The following BCAR1 variants were observed in gnomAD, a reference collection of about 807,000 sequenced individuals.
BCAR1 encodes BCAR1 scaffold protein, Cas family member.
Under a neutral mutation model 67.6 loss-of-function variants are expected in BCAR1, and 30 were observed. The ratio of observed to expected loss-of-function variants is 0.44; its 90% CI spans 0.33 to 0.60. The LOEUF (loss-of-function observed/expected upper bound fraction) is 0.60, where lower values mean the gene tolerates loss of function less well. BCAR1 is among the 20% of genes least tolerant of loss of function. The pLI, the probability that BCAR1 is intolerant of heterozygous loss-of-function variation, is 0.02. For missense variants in BCAR1, 1,313 were observed against 1,222.3 expected (o/e 1.07, Z -1.11); for synonymous variants, 626 against 556.7 (o/e 1.12, Z -1.75).
chr16:75,239,914 GTCTCCTTAGA>G (rs2077279804), intron 2 of BCAR1, among the ~76,000 whole-genome samples: 1 of 152,234 alleles, frequency 6.6e-6, no homozygotes, highest in South Asian at 2.1e-4. Context: ...CGCCATGGCT[GTCTCCTTAGA>G]CACTGACCAG....
chr16:75,232,699 T>C (rs1182918943), intron 6 of BCAR1, among the ~76,000 whole-genome samples: 1 of 152,200 alleles, frequency 6.6e-6, no homozygotes, highest in Non-Finnish European at 1.5e-5. Context: ...CCTGCCACCC[T>C]GCCACCGTTC....
At chr16:75,239,541 C>T (rs763305579) in intron 2 of BCAR1, among the ~76,000 whole-genome samples, 16 of 152,342 alleles carry the variant, frequency 1.1e-4, no homozygotes, top group Middle Eastern at 3.4e-3. Flanking sequence ...AGTGGGCCCC[C>T]GCCCTGGAGC....
At chr16:75,236,417 C>T (rs924636101) in intron 4 of BCAR1, 3 of 338,960 alleles carry the variant, frequency 8.9e-6, no homozygotes, top group Admixed American at 9.2e-5. Flanking sequence ...CCGCTGCCAC[C>T]TCATCACCAC....
chr16:75,243,666 G>A (rs1006725337), intron 1 of BCAR1, among the ~76,000 whole-genome samples: 4 of 152,210 alleles, frequency 2.6e-5, no homozygotes, highest in African/African-American at 9.6e-5. Flanking sequence ...CACCCTCCCT[G>A]TCCTGGCCCC....
In BCAR1 at chr16:75,229,917, A is replaced by G. The variant is rs746660261; in HGVS notation, c.2207T>C (p.Leu736Pro). 3 of 1,607,820 alleles carry G rather than the reference A, an allele frequency of 1.9e-6. No homozygotes were observed. The highest frequency in any genetic ancestry group is 2.6e-6 in the Non-Finnish European group (3 of 1,175,792). Reference sequence around the variant, plus strand: ...CAGCAGCTGCCGGTCCGAGGGCCCCAGGCCGCCTGTTCGCCCCGGGGCCAG... The same window carrying G: ...CAGCAGCTGCCGGTCCGAGGGCCCCGGGCCGCCTGTTCGCCCCGGGGCCAG... ...QPLAPGRTGG[L>P]GPSDRQLLLF... Residue 736 changes from leucine (L) to proline (P), a missense_variant, in exon 7 of 7, where the codon CTG (leucine) becomes CCG (proline). Physicochemically the swap from Leu to Pro is moderately conservative, Grantham distance 98. Coordinates refer to ENST00000162330, the MANE Select transcript of BCAR1 (RefSeq NM_014567.5).
At chr16:75,240,601 C>T (rs1345932024) in intron 2 of BCAR1, among the ~76,000 whole-genome samples, 3 of 152,214 alleles carry the variant, frequency 2.0e-5, no homozygotes, top group East Asian at 1.9e-4. Context: ...GTGATTACCG[C>T]GATTGGAAAA....
chr16:75,253,035 T>A (rs1035239637), upstream of BCAR1, among the ~76,000 whole-genome samples: 1 of 152,088 alleles, frequency 6.6e-6, no homozygotes, highest in Non-Finnish European at 1.5e-5. Context: ...GAAGGAGCAG[T>A]GGGATGAGAC....
Position 75,251,603 on chromosome 16 carries a change from C to G in BCAR1, c.-121G>C. 9.8e-7 allele frequency: 1 copy of G among 1,023,746 alleles called. No homozygotes were observed. Among genetic ancestry groups the G allele is most frequent in the Non-Finnish European group, 1.2e-6 (1 of 856,680 alleles). The allele number at this position is 1,023,746 out of a possible 1,614,324, so 63.4% of individuals were successfully genotyped here. On this transcript the variant is annotated 5_prime_UTR_variant, in exon 1 of 7. Transcript: ENST00000162330. ...CCCGGTGCCGCCGCGCAGCTGCCGC[C>G]TCGGCCACCCAGAGCCGGTCCAGCC...
rs5005338 is a variant in BCAR1 at position 75,243,073 on chromosome 16, C to A, written c.30G>T (p.Ala10=). ...GGGACTCGGCCACATTGTCATAGAG[C>A]GCTTTGGCCAGCACGTTCTGGGGAG... MNHLNVLAK[A]LYDNVAESPD... The change falls in exon 2 of 7, where the codon GCG becomes GCT. Residue 10 remains alanine (A), a synonymous_variant. Transcript: ENST00000162330. 8 of 1,596,200 alleles carry A rather than the reference C, an allele frequency of 5.0e-6. No individual in the cohort carries two copies. Among genetic ancestry groups the A allele is most frequent in the Non-Finnish European group, 5.1e-6 (6 of 1,167,996 alleles).
Position 75,235,258 on chromosome 16 carries a change from C to G in BCAR1, c.1641G>C (p.Lys547Asn). The change falls in exon 5 of 7, where the codon AAG becomes AAC. Residue 547 changes from lysine (K) to asparagine (N), a missense_variant. Lys to Asn is a moderately conservative substitution (Grantham distance 94). Transcript: ENST00000162330. ...CCAGCGTCTGGTGCACGTCCTCCAT[C>G]TTCTGCAGCTGCCGGCTAAGCTTGG... is the stretch of plus-strand genomic sequence containing the variant. ...LHAKLSRQLQ[K>N]MEDVHQTLVA... 1 of 1,606,358 alleles carries G rather than the reference C, an allele frequency of 6.2e-7. No homozygotes were observed. The highest frequency in any genetic ancestry group is 8.5e-7 in the Non-Finnish European group (1 of 1,174,848).
At chr16:75,254,426 G>A (rs1042373602), upstream of BCAR1, among the ~76,000 whole-genome samples, 8 of 152,358 alleles carry the variant, frequency 5.3e-5, no homozygotes, top group East Asian at 1.3e-3. Flanking sequence ...AAGGGGTGCA[G>A]TAAACATTTG....
chr16:75,265,709 A>G, intron 1 of BCAR1: 1 of 1,117,828 alleles, frequency 8.9e-7, no homozygotes, highest in Non-Finnish European at 1.1e-6. Flanking sequence ...AGGAGGCCCC[A>G]GTGAGGCGAC....
At chr16:75,266,446 C>G in intron 1 of BCAR1, 1 of 300,132 alleles carries the variant, frequency 3.3e-6, no homozygotes, top group Non-Finnish European at 6.1e-6. Flanking sequence ...TAGGGAGGAT[C>G]CTGTGTCCCT....
At chr16:75,238,307 C>A in intron 2 of BCAR1, 2 of 1,143,540 alleles carry the variant, frequency 1.7e-6, no homozygotes, top group Non-Finnish European at 2.2e-6. Context: ...TGCGCCCACA[C>A]GCCTCCACCA....
intron 6 of BCAR1, among the ~76,000 whole-genome samples, chr16:75,233,516 C>T (rs187439294): frequency 1.3e-5 from 2 of 152,334 alleles, no homozygotes; most frequent in Non-Finnish European, 2.9e-5. Context: ...GACACCATCC[C>T]GGCCATGCAG....
Position 75,235,299 on chromosome 16 carries a change from C to T in BCAR1, c.1600G>A (p.Asp534Asn), listed in dbSNP as rs866508880. ...CTAAGCTTGGCATGCAGGGCACGGT[C>T]AGATGTGTGGGCAGCATTGCCCACC... ...SAVGNAAHTS[D>N]RALHAKLSRQ... The change falls in exon 5 of 7, where the codon GAC (aspartate) becomes AAC (asparagine). Residue 534 changes from aspartate to asparagine, a missense_variant. Physicochemically the swap from Asp to Asn is conservative, Grantham distance 23. Coordinates refer to ENST00000162330, the MANE Select transcript of BCAR1 (RefSeq NM_014567.5). 2 of 1,606,188 alleles carry T rather than the reference C, an allele frequency of 1.2e-6. No homozygotes were observed. The highest frequency in any genetic ancestry group is 2.2e-5 in the East Asian group (1 of 44,666).
At chr16:75,267,772 C>A in intron 1 of BCAR1, 1 of 859,654 alleles carries the variant, frequency 1.2e-6, no homozygotes, top group South Asian at 1.6e-5. Context: ...GAAAGGAGAG[C>A]CCAAGGGAGG....
Position 75,242,888 on chromosome 16 carries a change from G to C in BCAR1, c.215C>G (p.Ala72Gly), listed in dbSNP as rs758293057. 72 of 1,611,036 alleles carry C rather than the reference G, an allele frequency of 4.5e-5. No homozygotes were observed. Among genetic ancestry groups the C allele is most frequent in the Non-Finnish European group, 5.8e-5 (69 of 1,179,608 alleles). ...ILVGMYDKKP[A>G]GPGPGPPATP... The stretch of plus-strand genomic sequence containing the variant: ...GGCGGGAGGGCCGGGGCCAGGCCCT[G>C]CTGGCTTCTTATCATACATGCCCAC... The change falls in exon 2 of 7, where the codon GCA (alanine) becomes GGA (glycine). Residue 72 changes from alanine to glycine, a missense_variant. Coordinates refer to ENST00000162330, the MANE Select transcript of BCAR1 (RefSeq NM_014567.5).
intron 2 of BCAR1, 111 bp downstream of exon 2, chr16:75,242,359 C>G: frequency 1.5e-6 from 2 of 1,309,148 alleles, no homozygotes; most frequent in Non-Finnish European, 1.9e-6. Context: ...ACCAAACACA[C>G]AGCCACTCCT....
Sources: allele counts gnomAD v4.1 joint callset (sites outside exome capture counted in the v4.1 genomes callset), GRCh38; gene constraint gnomAD v4.1.1; transcripts MANE v1.5; gene names NCBI Gene and HGNC (gene_info 2026-07-23, HGNC 2026-07-21).